Variants in MGAT4C observed in about 807,000 individuals in gnomAD.
MGAT4C encodes MGAT4 family member C.
Under a neutral mutation model 40.1 loss-of-function variants are expected in MGAT4C, and 19 were observed. The ratio of observed to expected loss-of-function variants is 0.47; its 90% CI spans 0.33 to 0.70. The LOEUF is 0.70. Ranked by LOEUF, MGAT4C falls within the 30% of genes least tolerant of loss-of-function variation. MGAT4C has a pLI of 0.02. For missense variants in MGAT4C, 491 were observed against 563.2 expected, an observed-to-expected ratio of 0.87 and a Z score of 1.30; for synonymous variants, 181 against 187.1, an observed-to-expected ratio of 0.97 and a Z score of 0.27.
intron 2 of MGAT4C, among the ~76,000 whole-genome samples, chr12:86,617,832 TG>T (rs1321465107): frequency 3.3e-5 from 5 of 151,554 alleles, no homozygotes; most frequent in African/African-American, 1.2e-4. Context: ...AATAGACAAA[TG>T]GAACTATATT....
At chr12:86,331,032 A>G (rs1319180402) in intron 4 of MGAT4C, among the ~76,000 whole-genome samples, 1 of 152,184 alleles carries the variant, frequency 6.6e-6, no homozygotes, top group African/African-American at 2.4e-5. Flanking sequence ...AGAAGAAAGA[A>G]TTCGACCTGG....
intron 1 of MGAT4C, among the ~76,000 whole-genome samples, chr12:86,838,502 G>A (rs1396292824): frequency 1.3e-5 from 2 of 152,180 alleles, no homozygotes; most frequent in African/African-American, 4.8e-5. Context: ...TTCAGTAAAG[G>A]GAGCAGATTA....
intron 2 of MGAT4C, among the ~76,000 whole-genome samples, chr12:86,462,657 G>T (rs528522082): frequency 6.6e-6 from 1 of 152,284 alleles, no homozygotes; most frequent in South Asian, 2.1e-4. Flanking sequence ...CAACAGTGCA[G>T]CCTTCAGTCT....
intron 3 of MGAT4C, among the ~76,000 whole-genome samples, chr12:86,364,899 C>G (rs540323366): frequency 6.6e-6 from 1 of 152,252 alleles, no homozygotes; most frequent in East Asian, 1.9e-4. Context: ...GACCACAGGA[C>G]TGGGGCGAAA....
chr12:86,329,544 C>T (rs1446612322), intron 4 of MGAT4C, among the ~76,000 whole-genome samples: 1 of 152,214 alleles, frequency 6.6e-6, no homozygotes, highest in Non-Finnish European at 1.5e-5. Context: ...CATACCTTTC[C>T]TGATTCCATT....
chr12:86,087,847 A>G (rs61931144), intron 1 of MGAT4C, among the ~76,000 whole-genome samples: 11,806 of 152,096 alleles, frequency 0.078, 630 homozygotes, highest in Middle Eastern at 0.23. Context: ...TCAAACTAAC[A>G]ACGATACTCT....
intron 3 of MGAT4C, among the ~76,000 whole-genome samples, chr12:86,375,116 A>G (rs1012363532): frequency 6.6e-6 from 1 of 152,178 alleles, no homozygotes; most frequent in African/African-American, 2.4e-5. Context: ...TCTCATGAAT[A>G]AAATTTAAAA....
Position 86,375,122 on chromosome 12 carries a change from T to TA in MGAT4C, c.-119-40996dup, listed in dbSNP as rs576925235. On this transcript the variant is annotated intron_variant, in intron 3 of 7. Transcript: ENST00000548651. ...ATTATGATTTCTCATGAATAAAATT[T>TA]AAAAAAACAGTGAGTGTTGGCCTAT... is the stretch of plus-strand genomic sequence containing the variant. Among the ~76,000 whole-genome samples the TA allele has an allele frequency of 1.0e-3, 159 of 152,254 alleles. 1 individual carries two copies. The highest frequency in any genetic ancestry group is 3.7e-3 in the African/African-American group (152 of 41,568).
At chr12:86,205,280 T>C (rs1027277350) in intron 1 of MGAT4C, among the ~76,000 whole-genome samples, 8 of 151,516 alleles carry the variant, frequency 5.3e-5, no homozygotes, top group Non-Finnish European at 8.9e-5. Context: ...TATTCATATA[T>C]GCATTGAAAA....
intron 2 of MGAT4C, among the ~76,000 whole-genome samples, chr12:86,447,056 C>A (rs185007786): frequency 6.6e-6 from 1 of 152,064 alleles, no homozygotes; most frequent in Non-Finnish European, 1.5e-5. Flanking sequence ...AGAACAGTGA[C>A]CCTTCAACAG....
At chr12:86,489,905 A>C (rs1472138277) in intron 2 of MGAT4C, among the ~76,000 whole-genome samples, 1 of 152,204 alleles carries the variant, frequency 6.6e-6, no homozygotes, top group African/African-American at 2.4e-5. Context: ...CAAAGCATCC[A>C]AGAAATATGG....
intron 4 of MGAT4C, among the ~76,000 whole-genome samples, chr12:86,289,232 T>A (rs1321851455): frequency 1.3e-5 from 2 of 152,138 alleles, no homozygotes; most frequent in Non-Finnish European, 1.5e-5. Flanking sequence ...CATGGCATTA[T>A]TTCTGGGCTC....
chr12:86,555,847 C>A (rs947058143), intron 2 of MGAT4C, among the ~76,000 whole-genome samples: 2 of 152,142 alleles, frequency 1.3e-5, no homozygotes, highest in African/African-American at 4.8e-5. Flanking sequence ...CCCCCTGGAC[C>A]TGCTTTTCTC....
intron 2 of MGAT4C, among the ~76,000 whole-genome samples, chr12:86,602,757 A>T (rs1248208697): frequency 6.6e-6 from 1 of 152,086 alleles, no homozygotes; most frequent in Non-Finnish European, 1.5e-5. Context: ...TAATGAGTTG[A>T]TTTAATTAAG....
chr12:86,356,933 C>T (rs1278365804), intron 3 of MGAT4C, among the ~76,000 whole-genome samples: 2 of 152,194 alleles, frequency 1.3e-5, no homozygotes, highest in East Asian at 3.9e-4. Context: ...GAAACTTCTG[C>T]AGACTTAAAC....
At chr12:86,222,796 AG>A (rs2135991240) in intron 1 of MGAT4C, among the ~76,000 whole-genome samples, 1 of 152,316 alleles carries the variant, frequency 6.6e-6, no homozygotes, top group East Asian at 1.9e-4. Context: ...TTTGTAGAGA[AG>A]GTTAATGTCA....
chr12:86,333,001 A>G (rs746186237), intron 4 of MGAT4C, among the ~76,000 whole-genome samples: 5 of 152,180 alleles, frequency 3.3e-5, no homozygotes, highest in Non-Finnish European at 7.3e-5. Context: ...AGCATACATC[A>G]TCCAATAGCA....
chr12:86,027,550 C>A (rs1890350844), intron 2 of MGAT4C, among the ~76,000 whole-genome samples: 1 of 151,564 alleles, frequency 6.6e-6, no homozygotes, highest in South Asian at 2.1e-4. Context: ...TGATGAAAAA[C>A]ATTAACATAA....
chr12:86,260,643 C>A (rs978936306), upstream of MGAT4C, among the ~76,000 whole-genome samples: 4 of 152,066 alleles, frequency 2.6e-5, no homozygotes, highest in Non-Finnish European at 5.9e-5. Context: ...AGAATTGGAT[C>A]AGAGCATAGA....
Sources: allele counts gnomAD v4.1 joint callset (sites outside exome capture counted in the v4.1 genomes callset), GRCh38; gene constraint gnomAD v4.1.1; transcripts MANE v1.5; gene names NCBI Gene and HGNC (gene_info 2026-07-23, HGNC 2026-07-21).